The following GRAMD1B variants were observed in gnomAD, a reference collection of about 807,000 sequenced individuals.
The protein encoded by GRAMD1B is protein Aster-B.
A neutral mutation model predicts 99.7 loss-of-function variants in GRAMD1B; 37 were observed. The observed-to-expected ratio is 0.37, with a 90% CI of 0.29 to 0.49. The LOEUF (loss-of-function observed/expected upper bound fraction) is 0.49. Among genes scored for constraint, GRAMD1B ranks in the 20% least tolerant of loss-of-function variants. The pLI is 0.98. For missense variants in GRAMD1B, 888 were observed against 1,009.2 expected (o/e 0.88, Z 1.63); for synonymous variants, 427 against 387.6 (o/e 1.10, Z -1.19).
At chr11:123,469,741 C>A (rs28462105) in intron 1 of GRAMD1B, among the ~76,000 whole-genome samples, 2 of 53,506 alleles carry the variant, frequency 3.7e-5, no homozygotes, top group African/African-American at 1.2e-4. Context: ...CTTTCTTTCT[C>A]TTTCTTTCTT....
intron 1 of GRAMD1B, among the ~76,000 whole-genome samples, chr11:123,441,515 C>T (rs756466103): frequency 5.9e-5 from 9 of 152,080 alleles, no homozygotes; most frequent in Non-Finnish European, 5.9e-5. Context: ...GGCATGGTGG[C>T]TTGCACCTGT....
chr11:123,548,341 CACACACACATAT>C (rs1945271598), intron 2 of GRAMD1B, among the ~76,000 whole-genome samples: 1 of 114,792 alleles, frequency 8.7e-6, no homozygotes, highest in Admixed American at 9.4e-5. Flanking sequence ...CACACACACA[CACACACACATAT>C]ATATATATAT....
intron 2 of GRAMD1B, among the ~76,000 whole-genome samples, chr11:123,484,954 G>A (rs1951806395): frequency 6.6e-6 from 1 of 152,162 alleles, no homozygotes; most frequent in Non-Finnish European, 1.5e-5. Flanking sequence ...GCAGTGGCGG[G>A]CATCTGGCCT....
intron 7 of GRAMD1B, chr11:123,599,459 T>A: frequency 1.6e-6 from 1 of 634,372 alleles, no homozygotes; most frequent in Non-Finnish European, 3.0e-6. Context: ...CCATCTTCCC[T>A]TCACCACGGC....
At chr11:123,409,495 G>C (rs145768380) in intron 1 of GRAMD1B, among the ~76,000 whole-genome samples, 4 of 152,246 alleles carry the variant, frequency 2.6e-5, no homozygotes, top group African/African-American at 9.6e-5. Flanking sequence ...GGACACTTCT[G>C]GTGTCTGTCT....
At chr11:123,432,844 C>T (rs1278818283) in intron 1 of GRAMD1B, among the ~76,000 whole-genome samples, 5 of 152,220 alleles carry the variant, frequency 3.3e-5, no homozygotes, top group East Asian at 1.9e-4. Context: ...ATCCGTTATG[C>T]AGAAGATGGG....
Position 123,377,631 on chromosome 11 carries a change from C to T in GRAMD1B, c.-176+18832C>T, listed in dbSNP as rs1364166156. 4.6e-5 allele frequency among the ~76,000 whole-genome samples: 7 copies of T among 152,270 alleles called. No homozygotes were observed. In the East Asian group the frequency reaches 1.4e-3, roughly 29 times the overall value. On this transcript the variant is annotated intron_variant, in intron 1 of 20. Transcript: ENST00000638157. ...TCCTGCTCTGTTTATCTGTTGCTTGCTTTTATTGAGCACCCAAGAGGACAA... is the reference window on the plus strand; with the variant it reads ...TCCTGCTCTGTTTATCTGTTGCTTGTTTTTATTGAGCACCCAAGAGGACAA...
rs111505156 is a variant in GRAMD1B, at chr11:123,457,117, A to AAAAGAAAGAAAGAAAGAAAGAAAG, written c.375-23677_375-23676insAGAAAGAAAGAAAGAAAGAAAGAA. ...ACAGAGAGAGACCCTTTCTGAGAAA[A>AAAAGAAAGAAAGAAAGAAAGAAAG]AAAGAAAGAAAGAAAGAAAGAATTA... On this transcript the variant is annotated intron_variant, in intron 1 of 19. Coordinates refer to ENST00000635736, the MANE Select transcript of GRAMD1B (RefSeq NM_001387025.1). Among the ~76,000 whole-genome samples the AAAAGAAAGAAAGAAAGAAAGAAAG allele has an allele frequency of 7.8e-3, 774 of 99,468 alleles. 41 individuals carry two copies. The highest frequency in any genetic ancestry group is 0.011 in the Non-Finnish European group (488 of 46,260). 65.3% of individuals were successfully genotyped at this position (99,468 alleles called of 152,430 possible).
At chr11:123,444,833 C>T (rs1949565752) in intron 1 of GRAMD1B, among the ~76,000 whole-genome samples, 1 of 152,166 alleles carries the variant, frequency 6.6e-6, no homozygotes, top group African/African-American at 2.4e-5. Flanking sequence ...TCAGCCACAC[C>T]TCCCTCTCTC....
intron 3 of GRAMD1B, chr11:123,578,522 T>C (rs1948984280): frequency 1.1e-6 from 1 of 910,462 alleles, no homozygotes; most frequent in Non-Finnish European, 1.7e-6. Flanking sequence ...CCCTGCCGAT[T>C]CTGGCCCTTA....
chr11:123,577,626 G>A lies in GRAMD1B; in HGVS notation c.663+49G>A, dbSNP rs1592095935. On this transcript the variant is annotated intron_variant, in intron 3 of 19. Transcript: ENST00000635736. ...GTACCTCCTTGTCAGGGGCTGCGGG[G>A]AGCGATATTGGGGTGGTGAGCCGGA... The A allele has an allele frequency of 1.4e-5, 19 of 1,388,044 alleles. No individual in the cohort carries two copies. In the East Asian group the frequency reaches 4.5e-4, roughly 33 times the overall value. 86.0% of individuals were successfully genotyped at this position (1,388,044 alleles called of 1,614,324 possible).
chr11:123,596,555 T>C (rs1018396092), intron 7 of GRAMD1B, among the ~76,000 whole-genome samples: 1 of 152,198 alleles, frequency 6.6e-6, no homozygotes, highest in Non-Finnish European at 1.5e-5. Flanking sequence ...AACTTTTCAC[T>C]AGAGCCTGAA....
At chr11:123,569,716 A>G (rs2136124514) in intron 2 of GRAMD1B, among the ~76,000 whole-genome samples, 1 of 152,364 alleles carries the variant, frequency 6.6e-6, no homozygotes, top group Admixed American at 6.5e-5. Context: ...ATTATAAAGA[A>G]CTGAGAAAGA....
Position 123,606,930 on chromosome 11 carries a change from AG to A in GRAMD1B, c.1513+134del, listed in dbSNP as rs1417102769. 1.1e-4 allele frequency: 73 copies of A among 649,952 alleles called. No homozygotes were observed. In the African/African-American group the frequency reaches 1.2e-3, roughly 11 times the overall value. 40.3% of individuals were successfully genotyped at this position (649,952 alleles called of 1,614,324 possible). On this transcript the variant is annotated intron_variant, in intron 11 of 19. Coordinates refer to ENST00000635736, the MANE Select transcript of GRAMD1B (RefSeq NM_001387025.1). The stretch of plus-strand genomic sequence containing the variant: ...ATGGGAGCAGAGCTTCCTTAACAAA[AG>A]GTACCTGTTATTAGTTTACATCCCT...
intron 2 of GRAMD1B, among the ~76,000 whole-genome samples, chr11:123,504,746 A>G (rs1940248895): frequency 6.6e-6 from 1 of 152,094 alleles, no homozygotes; most frequent in Admixed American, 6.6e-5. Flanking sequence ...CCATGGTGCA[A>G]TCCCGGCTCA....
chr11:123,503,314 G>A (rs534684251), intron 2 of GRAMD1B, among the ~76,000 whole-genome samples: 7 of 152,268 alleles, frequency 4.6e-5, no homozygotes, highest in East Asian at 1.9e-4. Flanking sequence ...GAAGTGGTGC[G>A]ATTGTGCCTG....
At chr11:123,563,891 A>G (rs747634064) in intron 2 of GRAMD1B, among the ~76,000 whole-genome samples, 22 of 152,170 alleles carry the variant, frequency 1.4e-4, no homozygotes, top group Non-Finnish European at 2.8e-4. Context: ...CGGGCATCTG[A>G]TTGAAGCCAG....
chr11:123,560,713 TG>T, intron 2 of GRAMD1B: 7 of 454,252 alleles, frequency 1.5e-5, no homozygotes, highest in African/African-American at 1.4e-4. Flanking sequence ...TGTGTGTGTG[TG>T]TGTGTGTGTG....
chr11:123,622,536 G>A lies in GRAMD1B; in HGVS notation c.2575G>A (p.Gly859Ser), dbSNP rs1179974608. The part of the protein sequence containing the change: ...MKDSLINLQN[G>S]IRSRDYTSES... ...GGACTCGCTCATCAACCTTCAGAAC[G>A]GCATCAGGTCCCGCGACTACACGTC... Residue 859 changes from glycine to serine, a missense_variant, in exon 20 of 20, where the codon GGC becomes AGC. Around this residue, in one of 5 missense-constraint regions of GRAMD1B, gnomAD observed 232 missense variants for 261.7 expected, o/e 0.89. Transcript: ENST00000635736. 2 of 1,558,138 alleles carry A rather than the reference G, an allele frequency of 1.3e-6. No homozygotes were observed. The highest frequency in any genetic ancestry group is 1.9e-5 in the Admixed American group (1 of 52,114).
Sources: gnomAD v4.1 joint callset for allele counts (sites outside exome capture counted in the v4.1 genomes callset) on GRCh38, gnomAD v4.1.1 for gene constraint, gnomAD v4.1.1 regional missense constraint, MANE v1.5 for transcripts, NCBI Gene and HGNC (gene_info 2026-07-23, HGNC 2026-07-21) for gene names.